WDR49: variants seen among roughly 807,000 people sequenced by gnomAD.
WDR49 encodes WD repeat domain 49.
A neutral mutation model predicts 119.5 loss-of-function variants in WDR49; 107 were observed. The observed-to-expected ratio is 0.90, with a 90% CI of 0.77 to 1.05. WDR49 has a LOEUF of 1.05. Among genes scored for constraint, WDR49 ranks in the 50% least tolerant of loss-of-function variants. WDR49 has a pLI of 0.00. For missense variants in WDR49, 1,240 were observed against 1,220.5 expected, an observed-to-expected ratio of 1.02 and a Z score of -0.24; for synonymous variants, 425 against 418.8, an observed-to-expected ratio of 1.01 and a Z score of -0.18.
At chr3:167,495,697 C>A in intron 18 of WDR49, among the ~76,000 whole-genome samples, 1 of 151,124 alleles carries the variant, frequency 6.6e-6, no homozygotes, top group Admixed American at 6.6e-5. Context: ...TTTCTATGAA[C>A]TCCAAGTAGC....
At chr3:167,616,846 A>G (rs1408854285) in intron 5 of WDR49, among the ~76,000 whole-genome samples, 1 of 152,194 alleles carries the variant, frequency 6.6e-6, no homozygotes, top group African/African-American at 2.4e-5. Flanking sequence ...CTTATAAAAC[A>G]TTGTATTATG....
intron 10 of WDR49, among the ~76,000 whole-genome samples, chr3:167,549,575 C>T (rs1212924568): frequency 2.0e-5 from 3 of 151,832 alleles, no homozygotes; most frequent in Non-Finnish European, 4.4e-5. Flanking sequence ...TTAAGTTCTT[C>T]GTAGATTCTG....
intron 9 of WDR49, 117 bp downstream of exon 9, chr3:167,559,947 C>T: frequency 9.2e-7 from 1 of 1,086,046 alleles, no homozygotes; most frequent in Non-Finnish European, 1.3e-6. Context: ...TACCATGTCT[C>T]ATTTCTCTTC....
Position 167,596,960 on chromosome 3 carries a change from A to AG in WDR49, c.1275+5166_1275+5167insC, listed in dbSNP as rs902240243. Reference sequence around the variant, plus strand: ...AATAAACTCAAAATGGAAAAAAAAAAAAAAGAAAAGAAAAACCCATTTTTT... The same window carrying AG: ...AATAAACTCAAAATGGAAAAAAAAAAGAAAAGAAAAGAAAAACCCATTTTTT... On this transcript the variant is annotated intron_variant, in intron 7 of 18. Coordinates refer to ENST00000682715, the MANE Select transcript of WDR49 (RefSeq NM_001366157.1). Among the ~76,000 whole-genome samples, 15 of 150,972 alleles carry AG rather than the reference A, an allele frequency of 9.9e-5. 1 individual carries two copies. The highest frequency in any genetic ancestry group is 2.6e-4 in the Admixed American group (4 of 15,180).
chr3:167,487,248 CAAT>C (rs1338411007), intron 18 of WDR49, among the ~76,000 whole-genome samples: 1 of 151,944 alleles, frequency 6.6e-6, no homozygotes, highest in Non-Finnish European at 1.5e-5. Context: ...ATCTGATCTT[CAAT>C]AAGGCCTACA....
Position 167,601,563 on chromosome 3 carries a change from AG to A in WDR49, c.1275+563del, listed in dbSNP as rs544848754. On this transcript the variant is annotated intron_variant, in intron 7 of 18. Coordinates refer to ENST00000682715, the MANE Select transcript of WDR49 (RefSeq NM_001366157.1). ...GCCTAAGTGGATATAAGTAATAAAT[AG>A]TGTTGTCAGGATTCAACCTGGACTC... is the stretch of plus-strand genomic sequence containing the variant. 3.2e-3 allele frequency among the ~76,000 whole-genome samples: 490 copies of A among 152,266 alleles called. 3 individuals carry two copies. Among genetic ancestry groups the A allele is most frequent in the African/African-American group, 0.011 (461 of 41,562 alleles).
At chr3:167,634,681 T>C (rs575220939) in intron 2 of WDR49, among the ~76,000 whole-genome samples, 1 of 151,116 alleles carries the variant, frequency 6.6e-6, no homozygotes, top group East Asian at 1.9e-4. Context: ...TGCAAAACTT[T>C]AAAAAAAAAC....
chr3:167,645,043 A>C (rs1718053180), intron 2 of WDR49, among the ~76,000 whole-genome samples: 1 of 152,020 alleles, frequency 6.6e-6, no homozygotes. Flanking sequence ...ATATGTGTAT[A>C]TATGGATAAA....
chr3:167,590,413 T>G (rs762191743), intron 7 of WDR49, among the ~76,000 whole-genome samples: 15 of 152,174 alleles, frequency 9.9e-5, no homozygotes, highest in Admixed American at 2.0e-4. Context: ...ATAATGGTTT[T>G]GTAGAATGAG....
rs371159391 is a variant in WDR49, at chr3:167,527,988, T to C, written c.2436A>G (p.Lys812=). 6.2e-7 allele frequency: 1 copy of C among 1,613,054 alleles called. No individual in the cohort carries two copies. Among genetic ancestry groups the C allele is most frequent in the Non-Finnish European group, 8.5e-7 (1 of 1,179,446 alleles). Residue 812 remains lysine (K), a synonymous_variant, in exon 15 of 19, where the codon AAA becomes AAG. Coordinates refer to ENST00000682715, the MANE Select transcript of WDR49 (RefSeq NM_001366157.1). ...TTATCAGAGTTGGGGCCTTGGTGAT[T>C]TTGTTCTTACTGGAGTTAAGACAGT... The part of the protein sequence containing the change: ...EEYCLNSSKN[K]ITKAPTLIRS...
chr3:167,601,159 G>C (rs1232060763), intron 7 of WDR49, among the ~76,000 whole-genome samples: 1 of 152,134 alleles, frequency 6.6e-6, no homozygotes, highest in Non-Finnish European at 1.5e-5. Flanking sequence ...AGGTGAAACT[G>C]ATAAACATTT....
intron 5 of WDR49, among the ~76,000 whole-genome samples, chr3:167,610,503 G>A (rs912223804): frequency 4.6e-5 from 7 of 152,232 alleles, no homozygotes; most frequent in African/African-American, 1.7e-4. Flanking sequence ...TGTTGTTTGA[G>A]TGCCAGCTCA....
intron 11 of WDR49, among the ~76,000 whole-genome samples, chr3:167,535,956 TTA>T (rs1489131402): frequency 8.5e-5 from 13 of 152,110 alleles, no homozygotes; most frequent in Non-Finnish European, 5.9e-5. Context: ...CTGGTGGACA[TTA>T]TGTTAGGTGA....
intron 7 of WDR49, among the ~76,000 whole-genome samples, chr3:167,591,578 T>A (rs777562108): frequency 6.6e-6 from 1 of 152,170 alleles, no homozygotes; most frequent in Admixed American, 6.5e-5. Flanking sequence ...TATATCTGGG[T>A]GCTCCCGTTT....
At chr3:167,539,386 T>C (rs913569704) in intron 10 of WDR49, among the ~76,000 whole-genome samples, 4 of 152,206 alleles carry the variant, frequency 2.6e-5, no homozygotes, top group Middle Eastern at 3.4e-3. Context: ...CCTCTATGAA[T>C]TTCTTTTTAC....
At chr3:167,579,837 TA>T (rs1714445086) in intron 7 of WDR49, among the ~76,000 whole-genome samples, 1 of 152,138 alleles carries the variant, frequency 6.6e-6, no homozygotes, top group African/African-American at 2.4e-5. Context: ...TTACTAATGA[TA>T]ATCACGTCTT....
At chr3:167,654,644 C>T (rs1277374036), upstream of WDR49, among the ~76,000 whole-genome samples, 1 of 152,084 alleles carries the variant, frequency 6.6e-6, no homozygotes, top group Non-Finnish European at 1.5e-5. Context: ...GCCTGTAATC[C>T]CTGCACTTTG....
chr3:167,530,088 G>C (rs992205372), intron 13 of WDR49, among the ~76,000 whole-genome samples: 1 of 152,006 alleles, frequency 6.6e-6, no homozygotes, highest in African/African-American at 2.4e-5. Flanking sequence ...GTGAGTATAA[G>C]CAAGTTCTAG....
intron 2 of WDR49, among the ~76,000 whole-genome samples, chr3:167,637,918 A>G (rs956981602): frequency 6.6e-6 from 1 of 151,496 alleles, no homozygotes; most frequent in African/African-American, 2.4e-5. Context: ...CTAGGTATAG[A>G]GTCATATCAT....
Sources: allele counts gnomAD v4.1 joint callset (sites outside exome capture counted in the v4.1 genomes callset), GRCh38; gene constraint gnomAD v4.1.1; transcripts MANE v1.5; gene names NCBI Gene and HGNC (gene_info 2026-07-23, HGNC 2026-07-21).